Variants in TSPAN5 observed in about 807,000 individuals in gnomAD.
The protein encoded by TSPAN5 is tetraspanin 5.
TSPAN5 carries 10 observed loss-of-function variants against 37.1 expected under a neutral mutation model. The ratio of observed to expected loss-of-function variants is 0.27; its 90% CI spans 0.17 to 0.46. The LOEUF is 0.46. Among genes scored for constraint, TSPAN5 ranks in the 20% least tolerant of loss-of-function variants. TSPAN5 has a pLI of 1.00. For missense variants in TSPAN5, 195 were observed against 326.6 expected (o/e 0.60, Z 3.11); for synonymous variants, 110 against 118.9 (o/e 0.93, Z 0.48).
chr4:98,516,603 C>T (rs1753735813), intron 1 of TSPAN5, among the ~76,000 whole-genome samples: 1 of 152,212 alleles, frequency 6.6e-6, no homozygotes, highest in African/African-American at 2.4e-5. Flanking sequence ...CACGGTTTGT[C>T]TGCCCTCACC....
intron 1 of TSPAN5, among the ~76,000 whole-genome samples, chr4:98,550,607 GTTT>G (rs58062106): frequency 0.65 from 89,738 of 138,958 alleles, 28,424 homozygotes; most frequent in South Asian, 0.8. Context: ...TCCCAGCTGG[GTTT>G]TTTTTTTTTT....
intron 2 of TSPAN5, among the ~76,000 whole-genome samples, chr4:98,495,078 G>A (rs1308539907): frequency 6.6e-6 from 1 of 152,192 alleles, no homozygotes; most frequent in African/African-American, 2.4e-5. Context: ...ATGGAACCAG[G>A]AGCAAGGATA....
chr4:98,658,223 A>G lies in TSPAN5; in HGVS notation c.4T>C (p.Ser2Pro). 3 of 1,613,962 alleles carry G rather than the reference A, an allele frequency of 1.9e-6. No individual in the cohort carries two copies. Among genetic ancestry groups the G allele is most frequent in the Non-Finnish European group, 2.5e-6 (3 of 1,179,820 alleles). MSGKHYKGPEVS... is the reference protein window; with the variant it reads MPGKHYKGPEVS... ...TCAGGACCCTTGTAGTGCTTCCCGGACATCCTCTGGGTTCATGAAGACACT... is the reference window on the plus strand; with the variant it reads ...TCAGGACCCTTGTAGTGCTTCCCGGGCATCCTCTGGGTTCATGAAGACACT... The change falls in exon 1 of 8, where the codon TCC becomes CCC. Residue 2 changes from serine (S) to proline (P), a missense_variant. Coordinates refer to ENST00000305798, the MANE Select transcript of TSPAN5 (RefSeq NM_005723.4).
chr4:98,504,856 C>T (rs1195070126), intron 2 of TSPAN5, among the ~76,000 whole-genome samples: 1 of 152,120 alleles, frequency 6.6e-6, no homozygotes. Context: ...CTGTATAACA[C>T]TGATCATAAA....
chr4:98,558,543 T>A (rs781599252), intron 1 of TSPAN5, among the ~76,000 whole-genome samples: 4 of 152,184 alleles, frequency 2.6e-5, no homozygotes, highest in Non-Finnish European at 4.4e-5. Flanking sequence ...TGGTGGCACT[T>A]GAAGAGATTG....
At chr4:98,521,324 C>G (rs1293678205) in intron 1 of TSPAN5, among the ~76,000 whole-genome samples, 1 of 152,132 alleles carries the variant, frequency 6.6e-6, no homozygotes, top group Non-Finnish European at 1.5e-5. Context: ...CTTTACAGAG[C>G]AAGGGTCAGG....
At chr4:98,492,597 G>A (rs1488135686) in intron 2 of TSPAN5, among the ~76,000 whole-genome samples, 5 of 152,128 alleles carry the variant, frequency 3.3e-5, no homozygotes, top group East Asian at 3.9e-4. Flanking sequence ...ACACACGCAC[G>A]TGGTCGAAGC....
intron 1 of TSPAN5, among the ~76,000 whole-genome samples, chr4:98,532,778 A>C (rs1754125799): frequency 6.6e-6 from 1 of 152,198 alleles, no homozygotes; most frequent in South Asian, 2.1e-4. Flanking sequence ...CAGTTTTCAA[A>C]GGGAATGCTT....
At chr4:98,534,331 T>A (rs933598102) in intron 1 of TSPAN5, among the ~76,000 whole-genome samples, 1 of 152,206 alleles carries the variant, frequency 6.6e-6, no homozygotes, top group Non-Finnish European at 1.5e-5. Flanking sequence ...TGGTTTTCAG[T>A]GAGTTTCTTA....
chr4:98,511,577 C>A (rs568671147), intron 1 of TSPAN5, among the ~76,000 whole-genome samples: 79 of 152,230 alleles, frequency 5.2e-4, no homozygotes, highest in Non-Finnish European at 9.0e-4. Context: ...TTAACTGAAA[C>A]ATCATTATAT....
rs1045655 is a variant in TSPAN5, at chr4:98,472,520, G to C, written c.*2C>G. ...TGTCTTGCAGCAGCGGTTGCAGGGG[G>C]TCTACCAGCTCGCCCTGACAGCTTC... On this transcript the variant is annotated 3_prime_UTR_variant, in exon 8 of 8. Coordinates refer to ENST00000305798, the MANE Select transcript of TSPAN5 (RefSeq NM_005723.4). 47,051 of 1,613,364 alleles carry C rather than the reference G, an allele frequency of 0.029. 1,610 individuals carry two copies. The highest frequency in any genetic ancestry group is 0.17 in the African/African-American group (12,971 of 74,812).
chr4:98,650,114 G>A (rs1434915332), intron 1 of TSPAN5, among the ~76,000 whole-genome samples: 1 of 152,188 alleles, frequency 6.6e-6, no homozygotes. Context: ...GCTTTTAAAG[G>A]TGGAAAACAG....
chr4:98,648,663 C>CT (rs1368641696), intron 1 of TSPAN5, among the ~76,000 whole-genome samples: 2 of 152,034 alleles, frequency 1.3e-5, no homozygotes, highest in African/African-American at 4.8e-5. Flanking sequence ...AATAGGCCAC[C>CT]TTTTTTTTCT....
At chr4:98,610,345 C>T (rs747213633) in intron 1 of TSPAN5, among the ~76,000 whole-genome samples, 2 of 152,188 alleles carry the variant, frequency 1.3e-5, no homozygotes, top group East Asian at 1.9e-4. Flanking sequence ...CCTCCCATCA[C>T]GGTTACACTG....
At chr4:98,508,945 AT>A (rs56780471) in intron 1 of TSPAN5, among the ~76,000 whole-genome samples, 40,072 of 151,772 alleles carry the variant, frequency 0.26, 5,420 homozygotes, top group African/African-American at 0.31. Flanking sequence ...GTATCTCATA[AT>A]TTTTTCCCCC....
chr4:98,567,971 TGAC>T (rs1755044532), intron 1 of TSPAN5, among the ~76,000 whole-genome samples: 1 of 152,056 alleles, frequency 6.6e-6, no homozygotes, highest in South Asian at 2.1e-4. Context: ...AAAATGGGGA[TGAC>T]AACAGGATCT....
intron 1 of TSPAN5, 69 bp from the exon 2 acceptor site, chr4:98,507,797 T>C: frequency 8.6e-7 from 1 of 1,166,598 alleles, no homozygotes; most frequent in Non-Finnish European, 1.2e-6. Context: ...AACTTTTCAA[T>C]CAATTCTTTT....
chr4:98,588,760 A>G (rs529065044), intron 1 of TSPAN5, among the ~76,000 whole-genome samples: 2 of 152,364 alleles, frequency 1.3e-5, no homozygotes, highest in African/African-American at 4.8e-5. Context: ...AAGCTCTACA[A>G]TAACTTGTGT....
chr4:98,511,301 G>A (rs1236598372), intron 1 of TSPAN5, among the ~76,000 whole-genome samples: 5 of 152,150 alleles, frequency 3.3e-5, no homozygotes, highest in African/African-American at 7.2e-5. Context: ...AAGGGAATAC[G>A]TTCTGAGAAA....
Sources: allele counts gnomAD v4.1 joint callset (sites outside exome capture counted in the v4.1 genomes callset), GRCh38; gene constraint gnomAD v4.1.1; transcripts MANE v1.5; gene names NCBI Gene and HGNC (gene_info 2026-07-23, HGNC 2026-07-21).